The following FAIM2 variants were observed in gnomAD, a reference collection of about 807,000 sequenced individuals.
The protein encoded by FAIM2 is Fas apoptotic inhibitory molecule 2.
In FAIM2, 27 loss-of-function variants were observed where a neutral mutation model predicts 47.4. That is an observed-to-expected ratio of 0.57 (90% CI 0.42 to 0.78). The LOEUF (loss-of-function observed/expected upper bound fraction) is 0.78. FAIM2 is among the 30% of genes least tolerant of loss of function. The probability of loss-of-function intolerance (pLI) is 0.00; values close to 1 mark genes in which losing one functional copy is unlikely to be tolerated. For synonymous variants in FAIM2, 156 were observed against 159.3 expected (o/e 0.98, Z 0.16); for missense variants, 311 against 389.4 (o/e 0.80, Z 1.69).
chr12:49,872,748 A>G (rs1160026606), intron 11 of FAIM2, among the ~76,000 whole-genome samples: 1 of 152,164 alleles, frequency 6.6e-6, no homozygotes, highest in Admixed American at 6.5e-5. Flanking sequence ...GCTCTGCTCT[A>G]CCACTCATTA....
intron 5 of FAIM2, among the ~76,000 whole-genome samples, chr12:49,893,174 C>T (rs1282969004): frequency 6.6e-6 from 1 of 152,214 alleles, no homozygotes; most frequent in Non-Finnish European, 1.5e-5. Flanking sequence ...TATAAAATTC[C>T]CAAAGACCTG....
intron 5 of FAIM2, among the ~76,000 whole-genome samples, chr12:49,894,005 G>A (rs1429248792): frequency 6.6e-6 from 1 of 152,230 alleles, no homozygotes; most frequent in Non-Finnish European, 1.5e-5. Flanking sequence ...AAGACAAGGG[G>A]TCTGGAGGAA....
Position 49,870,557 on chromosome 12 carries a change from T to C in FAIM2, c.898A>G (p.Ile300Val). Residue 300 changes from isoleucine (I) to valine (V), a missense_variant, in exon 12 of 12, where the codon ATC becomes GTC. Ile to Val is a conservative substitution (Grantham distance 29). Coordinates refer to ENST00000320634, the MANE Select transcript of FAIM2 (RefSeq NM_012306.4). ...IFGALNIYLD[I>V]IYIFTFFLQL... Reference sequence around the variant, plus strand: ...AGGAAGAAGGTGAAGATATAGATGATGTCTAGGTAAATGTTGAGGGCTCCA... The same window carrying C: ...AGGAAGAAGGTGAAGATATAGATGACGTCTAGGTAAATGTTGAGGGCTCCA... The C allele has an allele frequency of 1.2e-6, 2 of 1,613,402 alleles. No individual in the cohort carries two copies. Among genetic ancestry groups the C allele is most frequent in the Non-Finnish European group, 1.7e-6 (2 of 1,179,566 alleles).
rs1946889818 is a variant in FAIM2 at position 49,890,171 on chromosome 12, G to C, written c.526-17C>G. On this transcript the variant is annotated splice_polypyrimidine_tract_variant and intron_variant, in intron 7 of 11. Transcript: ENST00000320634. ...GGACAGGGTCTGAAAGGAGAAGCAG[G>C]GTAAAGGAATGTTCCAAACTCAGAC... is the stretch of plus-strand genomic sequence containing the variant. The C allele has an allele frequency of 6.2e-7, 1 of 1,613,908 alleles. No homozygotes were observed. Among genetic ancestry groups the C allele is most frequent in the Non-Finnish European group, 8.5e-7 (1 of 1,179,828 alleles).
rs1032282009 is a variant in FAIM2, at chr12:49,868,490, G to A, written c.*2014C>T. 6.6e-6 allele frequency: 1 copy of A among 152,212 alleles called. No homozygotes were observed. Among genetic ancestry groups the A allele is most frequent in the Non-Finnish European group, 1.5e-5 (1 of 68,052 alleles). The allele number at this position is 152,212 out of a possible 1,614,324, so 9.4% of individuals were successfully genotyped here. On this transcript the variant is annotated 3_prime_UTR_variant, in exon 12 of 12. Coordinates refer to ENST00000320634, the MANE Select transcript of FAIM2 (RefSeq NM_012306.4). ...TGCAAAATCTGGCGAGGGGTTTCAG[G>A]AAAGACGGGAGGCCGGGTGGCACTG...
At chr12:49,897,730 G>A (rs546804692) in intron 3 of FAIM2, 147 bp from the exon 4 acceptor site, 68 of 663,348 alleles carry the variant, frequency 1.0e-4, no homozygotes, top group African/African-American at 8.4e-4. Context: ...AGGGCAAGGC[G>A]AAAGGAAAGC....
intron 11 of FAIM2, among the ~76,000 whole-genome samples, chr12:49,882,518 G>A (rs1946833208): frequency 6.6e-6 from 1 of 152,170 alleles, no homozygotes; most frequent in African/African-American, 2.4e-5. Context: ...CACGGCAGGG[G>A]ATGGAGCCAG....
At chr12:49,887,543 T>G in intron 10 of FAIM2, 104 bp from the exon 11 acceptor site, 7 of 984,270 alleles carry the variant, frequency 7.1e-6, no homozygotes, top group African/African-American at 3.2e-5. Flanking sequence ...GGGGTAGCCC[T>G]GCCCAGAGCT....
intron 11 of FAIM2, among the ~76,000 whole-genome samples, chr12:49,881,727 C>T (rs1946827244): frequency 6.6e-6 from 1 of 152,210 alleles, no homozygotes; most frequent in Admixed American, 6.5e-5. Context: ...GGCTCACCCA[C>T]TTCTACTGGC....
intron 1 of FAIM2, chr12:49,902,298 A>T: frequency 6.6e-6 from 1 of 152,264 alleles, no homozygotes; most frequent in East Asian, 1.9e-4. Flanking sequence ...AAATTGAAAC[A>T]GCAACAAAAA....
chr12:49,880,726 G>GCGTA (rs1565615282), intron 11 of FAIM2, among the ~76,000 whole-genome samples: 1 of 150,798 alleles, frequency 6.6e-6, no homozygotes, highest in Admixed American at 6.6e-5. Context: ...GCGTGTATAT[G>GCGTA]TGTGTGTGTA....
chr12:49,901,352 T>G (rs752476390), intron 1 of FAIM2, 27 bp from the exon 2 acceptor site: 5 of 1,477,602 alleles, frequency 3.4e-6, no homozygotes, highest in Non-Finnish European at 4.5e-6. Flanking sequence ...GAGAGAGAGA[T>G]AGTCACCAGG....
rs895977242 is a variant in FAIM2 at position 49,874,486 on chromosome 12, C to T, written c.802-3833G>A. On this transcript the variant is annotated intron_variant, in intron 11 of 11. Transcript: ENST00000320634. The surrounding 1 kb of genome is among the most constrained non-coding windows in gnomAD (Gnocchi z 4.2). ...CACAGGTGCCAAAGGCAAACTTCCC[C>T]GCCTCACTTTACTGGCCAGTGCTAA... is the stretch of plus-strand genomic sequence containing the variant. Among the ~76,000 whole-genome samples the T allele has an allele frequency of 3.3e-5, 5 of 152,154 alleles. No individual in the cohort carries two copies. Among genetic ancestry groups the T allele is most frequent in the Non-Finnish European group, 5.9e-5 (4 of 68,014 alleles).
In FAIM2 at chr12:49,898,048, T is replaced by C. The variant is rs1021733370; in HGVS notation, c.254A>G (p.His85Arg). ...SYDNGFPTGDHELFTTFSWDD... is the reference protein window; with the variant it reads ...SYDNGFPTGDRELFTTFSWDD... ...CCAGCTGAAAGTGGTGAAGAGCTCA[T>C]GGTCTCCGGTGGGGAAACCGTTGTC... Residue 85 changes from histidine (H) to arginine (R), a missense_variant, in exon 3 of 12, where the codon CAT becomes CGT. Coordinates refer to ENST00000320634, the MANE Select transcript of FAIM2 (RefSeq NM_012306.4). The C allele has an allele frequency of 6.2e-7, 1 of 1,614,010 alleles. No homozygotes were observed. Among genetic ancestry groups the C allele is most frequent in the Non-Finnish European group, 8.5e-7 (1 of 1,179,950 alleles).
chr12:49,883,232 T>C (rs897218502), intron 11 of FAIM2, among the ~76,000 whole-genome samples: 4 of 152,140 alleles, frequency 2.6e-5, no homozygotes, highest in African/African-American at 4.8e-5. Context: ...GCTGCTGTGC[T>C]GTGCATAGAT....
chr12:49,898,553 C>G (rs1280372925), intron 2 of FAIM2, among the ~76,000 whole-genome samples: 1 of 152,160 alleles, frequency 6.6e-6, no homozygotes, highest in East Asian at 1.9e-4. Flanking sequence ...GAGACAGGGT[C>G]TCACTCCTGT....
intron 11 of FAIM2, among the ~76,000 whole-genome samples, chr12:49,886,633 C>T (rs1172137585): frequency 1.3e-5 from 2 of 152,076 alleles, no homozygotes; most frequent in South Asian, 4.2e-4. Flanking sequence ...CGCCACCACA[C>T]CCGGCTAATT....
Position 49,903,811 on chromosome 12 carries a change from A to G in FAIM2, c.-19T>C, listed in dbSNP as rs773884728. ...GGGTCATGGTGCCGTCTCTCGGGGAAGGGGTCCCTGAGGCCCGGGTGGCCG... is the reference window on the plus strand; with the variant it reads ...GGGTCATGGTGCCGTCTCTCGGGGAGGGGGTCCCTGAGGCCCGGGTGGCCG... On this transcript the variant is annotated 5_prime_UTR_variant, in exon 1 of 12. Transcript: ENST00000320634. The G allele has an allele frequency of 3.6e-4, 554 of 1,539,154 alleles. No homozygotes were observed. The highest frequency in any genetic ancestry group is 4.7e-4 in the Non-Finnish European group (535 of 1,141,384).
intron 1 of FAIM2, 93 bp downstream of exon 1, chr12:49,903,685 G>A (rs971546266): frequency 1.4e-6 from 2 of 1,474,002 alleles, no homozygotes; most frequent in Non-Finnish European, 1.9e-6. Context: ...GGCCAGGGGA[G>A]GATGCTTTCG....
Sources: allele counts gnomAD v4.1 joint callset (sites outside exome capture counted in the v4.1 genomes callset), GRCh38; gene constraint gnomAD v4.1.1; non-coding constraint Gnocchi (gnomAD v3.1); transcripts MANE v1.5; gene names NCBI Gene and HGNC (gene_info 2026-07-23, HGNC 2026-07-21).